AFDN: variants seen among roughly 807,000 people sequenced by gnomAD.
AFDN encodes the protein afadin, adherens junction formation factor, also known as afadin.
A neutral mutation model predicts 216.6 loss-of-function variants in AFDN; 68 were observed. The ratio of observed to expected loss-of-function variants is 0.31; its 90% CI spans 0.26 to 0.38. The LOEUF (loss-of-function observed/expected upper bound fraction) is 0.38, where lower values mean the gene tolerates loss of function less well. Among genes scored for constraint, AFDN ranks in the 10% least tolerant of loss-of-function variants. AFDN has a pLI of 1.00. For synonymous variants in AFDN, 868 were observed against 853.7 expected (o/e 1.02, Z -0.29); for missense variants, 2,136 against 2,342.0 (o/e 0.91, Z 1.82).
At chr6:167,904,419 A>G (rs1475678766) in intron 12 of AFDN, among the ~76,000 whole-genome samples, 1 of 152,104 alleles carries the variant, frequency 6.6e-6, no homozygotes, top group Non-Finnish European at 1.5e-5. Context: ...CATGTTGCCC[A>G]GGCTGGTCTT....
At chr6:167,890,836 G>A in intron 7 of AFDN, 26 bp from the exon 8 acceptor site, 1 of 1,608,206 alleles carries the variant, frequency 6.2e-7, no homozygotes, top group Non-Finnish European at 8.5e-7. Context: ...GAGTCTGCCT[G>A]ATGATTTCCC....
rs1795343722 is a variant in AFDN, at chr6:167,947,004, A to G, written c.3553+103A>G. 5 of 974,322 alleles carry G rather than the reference A, an allele frequency of 5.1e-6. No individual in the cohort carries two copies. In the South Asian group the frequency reaches 7.7e-5, roughly 15 times the overall value. 60.4% of individuals were successfully genotyped at this position (974,322 alleles called of 1,614,324 possible). A position where few individuals can be genotyped will look rare whatever the true frequency, so the allele number is the denominator to read the frequency against. ...TTAATTATTAAAATTATTCTCTGCA[A>G]ACATTGGCTAACTAGGATATGGTTT... On this transcript the variant is annotated intron_variant, in intron 27 of 33. Transcript: ENST00000683244.
chr6:167,947,970 C>A, intron 28 of AFDN, 26 bp downstream of exon 28: 1 of 1,528,988 alleles, frequency 6.5e-7, no homozygotes, highest in Non-Finnish European at 9.1e-7. Context: ...AAGCAAAAGG[C>A]TTCTACTGCA....
intron 33 of AFDN, 46 bp downstream of exon 33, chr6:167,969,244 A>C: frequency 7.0e-7 from 1 of 1,435,714 alleles, no homozygotes; most frequent in Non-Finnish European, 9.8e-7. Context: ...GTACCTGATG[A>C]GCCCTTTCAC....
chr6:167,916,481 A>T (rs541377284), intron 19 of AFDN, among the ~76,000 whole-genome samples: 1 of 152,304 alleles, frequency 6.6e-6, no homozygotes, highest in South Asian at 2.1e-4. Context: ...ACAGTGAAAG[A>T]TGAGTACCAG....
At chr6:167,905,787 T>C (rs1789588427) in intron 12 of AFDN, among the ~76,000 whole-genome samples, 1 of 152,198 alleles carries the variant, frequency 6.6e-6, no homozygotes, top group East Asian at 1.9e-4. Flanking sequence ...TTGCCATCCA[T>C]TGACCAGCAA....
intron 1 of AFDN, among the ~76,000 whole-genome samples, chr6:167,840,477 C>T (rs548670136): frequency 3.3e-5 from 5 of 152,232 alleles, no homozygotes; most frequent in East Asian, 1.9e-4. Flanking sequence ...TTCTGTCATC[C>T]GTGAATCAGT....
intron 12 of AFDN, 25 bp from the exon 13 acceptor site, chr6:167,907,145 AC>A: frequency 1.3e-6 from 2 of 1,588,348 alleles, no homozygotes; most frequent in Non-Finnish European, 1.7e-6. Flanking sequence ...GAGGTTCTAA[AC>A]CCGTTGTGCT....
At chr6:167,888,862 G>A (rs1787200289) in intron 6 of AFDN, among the ~76,000 whole-genome samples, 1 of 152,096 alleles carries the variant, frequency 6.6e-6, no homozygotes, top group Admixed American at 6.5e-5. Flanking sequence ...GGTGGGTTAA[G>A]GACTAGAGAG....
intron 8 of AFDN, among the ~76,000 whole-genome samples, chr6:167,891,718 C>A (rs1184850464): frequency 6.6e-6 from 1 of 152,102 alleles, no homozygotes; most frequent in Non-Finnish European, 1.5e-5. Context: ...TATATTTGCA[C>A]ATATGTATGC....
At chr6:167,896,334 T>C (rs1327595876) in intron 9 of AFDN, among the ~76,000 whole-genome samples, 6 of 152,110 alleles carry the variant, frequency 3.9e-5, no homozygotes, top group African/African-American at 1.4e-4. Context: ...GCAGAATTAC[T>C]TGGGGTGATT....
chr6:167,834,457 G>GGTTTTTT (rs1554275698), intron 1 of AFDN, among the ~76,000 whole-genome samples: 1 of 75,256 alleles, frequency 1.3e-5, no homozygotes. Context: ...TGTTGTTTCG[G>GGTTTTTT]TTTTTTTTTT....
chr6:167,854,342 T>C (rs1562556165), intron 1 of AFDN, among the ~76,000 whole-genome samples: 1 of 152,078 alleles, frequency 6.6e-6, no homozygotes, highest in Non-Finnish European at 1.5e-5. Flanking sequence ...GAAATTATAT[T>C]TCTTTCTGTG....
intron 18 of AFDN, 123 bp from the exon 19 acceptor site, chr6:167,915,045 A>G: frequency 1.0e-6 from 1 of 1,003,072 alleles, no homozygotes; most frequent in Non-Finnish European, 1.5e-6. Flanking sequence ...TGAAGTTGAT[A>G]TTTTTAAAGT....
intron 30 of AFDN, among the ~76,000 whole-genome samples, chr6:167,956,105 A>C (rs1234442287): frequency 1.8e-5 from 2 of 108,554 alleles, no homozygotes; most frequent in Non-Finnish European, 3.6e-5. Flanking sequence ...ACAGAGCGAG[A>C]CTTTGGCTCA....
chr6:167,887,106 G>A (rs956706539), intron 6 of AFDN, among the ~76,000 whole-genome samples: 11 of 151,192 alleles, frequency 7.3e-5, no homozygotes, highest in African/African-American at 2.4e-4. Context: ...GTTGATAAGT[G>A]TATATAAGTC....
chr6:167,890,081 A>G (rs1213161930), intron 7 of AFDN, among the ~76,000 whole-genome samples: 2 of 152,246 alleles, frequency 1.3e-5, no homozygotes, highest in Admixed American at 6.5e-5. Flanking sequence ...TCAAATTCAC[A>G]TCATAAGTTA....
intron 10 of AFDN, 108 bp downstream of exon 10, chr6:167,897,080 G>T (rs1788356230): frequency 6.8e-6 from 3 of 443,602 alleles, no homozygotes; most frequent in African/African-American, 2.1e-5. Context: ...TTACCGACTT[G>T]TATTTAAATA....
At chr6:167,919,359 C>T (rs1791503509) in intron 21 of AFDN, among the ~76,000 whole-genome samples, 1 of 152,256 alleles carries the variant, frequency 6.6e-6, no homozygotes. Flanking sequence ...GCATTCTAAA[C>T]CCACCTCTGT....
Sources: allele counts gnomAD v4.1 joint callset (sites outside exome capture counted in the v4.1 genomes callset), GRCh38; gene constraint gnomAD v4.1.1; transcripts MANE v1.5; gene names NCBI Gene and HGNC (gene_info 2026-07-23, HGNC 2026-07-21).